Variants in ADAM12 observed in about 807,000 individuals in gnomAD.
The protein encoded by ADAM12 is ADAM metallopeptidase domain 12.
A neutral mutation model predicts 106.4 loss-of-function variants in ADAM12; 70 were observed. The observed-to-expected ratio is 0.66, with a 90% CI of 0.54 to 0.80. The LOEUF (loss-of-function observed/expected upper bound fraction) is 0.80, where lower values mean the gene tolerates loss of function less well. Ranked by LOEUF, ADAM12 falls within the 30% of genes least tolerant of loss-of-function variation. The pLI, the probability that ADAM12 is intolerant of heterozygous loss-of-function variation, is 0.00. For synonymous variants in ADAM12, 420 were observed against 433.5 expected (o/e 0.97, Z 0.39); for missense variants, 1,010 against 1,171.9 (o/e 0.86, Z 2.02).
intron 4 of ADAM12, among the ~76,000 whole-genome samples, chr10:126,151,236 A>G (rs917778060): frequency 6.6e-6 from 1 of 152,204 alleles, no homozygotes; most frequent in African/African-American, 2.4e-5. Flanking sequence ...TTTATTAAAA[A>G]TCTATTATAT....
chr10:126,171,829 G>T (rs1194885344), intron 3 of ADAM12, among the ~76,000 whole-genome samples: 1 of 152,182 alleles, frequency 6.6e-6, no homozygotes. Context: ...GAATTCAGAT[G>T]GGATTTATGG....
intron 3 of ADAM12, among the ~76,000 whole-genome samples, chr10:126,277,909 C>T (rs1031369064): frequency 6.6e-5 from 10 of 152,176 alleles, no homozygotes; most frequent in Non-Finnish European, 1.5e-4. Flanking sequence ...GATTGACTGT[C>T]TTTCGTCTGT....
Position 126,066,853 on chromosome 10 carries a change from C to A in ADAM12, c.1324-47G>T. 1 of 1,558,942 alleles carries A rather than the reference C, an allele frequency of 6.4e-7. No individual in the cohort carries two copies. The highest frequency in any genetic ancestry group is 2.3e-5 in the East Asian group (1 of 44,436). On this transcript the variant is annotated intron_variant, in intron 12 of 22. Transcript: ENST00000448723. The surrounding 1 kb of genome is among the most constrained non-coding windows in gnomAD (Gnocchi z 5.1). The stretch of plus-strand genomic sequence containing the variant: ...GTTTGACAGGGTCTTATGGAGTATG[C>A]ACTCACTGAATGCAAACATCACACC...
intron 1 of ADAM12, among the ~76,000 whole-genome samples, chr10:126,348,553 A>T (rs1244950958): frequency 6.6e-6 from 1 of 152,162 alleles, no homozygotes; most frequent in East Asian, 1.9e-4. Flanking sequence ...GAGGAGAAAA[A>T]AGTATTCAAC....
chr10:126,079,824 G>A (rs1393737391), intron 11 of ADAM12, among the ~76,000 whole-genome samples: 1 of 152,146 alleles, frequency 6.6e-6, no homozygotes, highest in Admixed American at 6.5e-5. Context: ...TGAAAGATGT[G>A]CCAATGGACA....
intron 11 of ADAM12, among the ~76,000 whole-genome samples, chr10:126,072,162 AG>A (rs933483245): frequency 1.3e-5 from 2 of 152,162 alleles, no homozygotes; most frequent in African/African-American, 4.8e-5. Context: ...AGGTCTATAA[AG>A]GCCAAGTCCC....
chr10:126,185,770 A>G (rs1018569761), intron 3 of ADAM12, among the ~76,000 whole-genome samples: 2 of 152,072 alleles, frequency 1.3e-5, no homozygotes, highest in Admixed American at 1.3e-4. Flanking sequence ...GGGCAGCCCA[A>G]TGCAAGCAAT....
intron 5 of ADAM12, among the ~76,000 whole-genome samples, chr10:126,131,979 GTTT>G (rs200265672): frequency 4.9e-5 from 7 of 141,908 alleles, no homozygotes; most frequent in Non-Finnish European, 3.1e-5. Flanking sequence ...TTGAATTCGT[GTTT>G]TTTTTTTTTT....
At position 126,049,779 on chromosome 10, in the gene ADAM12, C is replaced by T. The variant is rs1954428774; in HGVS notation, c.1610-110G>A. The T allele has an allele frequency of 1.0e-6, 1 of 963,686 alleles. No homozygotes were observed. The highest frequency in any genetic ancestry group is 1.6e-5 in the South Asian group (1 of 62,456). 59.7% of individuals were successfully genotyped at this position (963,686 alleles called of 1,614,324 possible). Reference sequence around the variant, plus strand: ...GGAGACGTGCTCAAAGCAATCACACCCAGTGTCTGTCCCGACTCATGGTGG... The same window carrying T: ...GGAGACGTGCTCAAAGCAATCACACTCAGTGTCTGTCCCGACTCATGGTGG... On this transcript the variant is annotated intron_variant, in intron 14 of 22. Transcript: ENST00000448723. This position sits in a 1 kb window ranked among gnomAD's most constrained non-coding sequence, Gnocchi z 4.4.
chr10:126,179,361 G>C (rs1172870231), intron 3 of ADAM12, among the ~76,000 whole-genome samples: 1 of 152,214 alleles, frequency 6.6e-6, no homozygotes, highest in East Asian at 1.9e-4. Context: ...ACAATCAATC[G>C]GCACCACTTT....
In ADAM12 at chr10:126,032,761, C is replaced by T. The variant is rs901949910; in HGVS notation, c.2529+3385G>A. 7.9e-5 allele frequency among the ~76,000 whole-genome samples: 12 copies of T among 152,194 alleles called. No homozygotes were observed. The South Asian group carries it at 8.3e-4, about 11-fold the overall frequency. ...AGCTTTTGTCAGATTCTCAAGTCCA[C>T]GGACCAGAAAAGTTTAGGGCATGCT... On this transcript the variant is annotated intron_variant, in intron 21 of 22. Coordinates refer to ENST00000448723, the MANE Select transcript of ADAM12 (RefSeq NM_001288973.2).
intron 14 of ADAM12, among the ~76,000 whole-genome samples, chr10:126,051,064 A>G (rs1710281): frequency 0.41 from 62,626 of 151,828 alleles, 13,190 homozygotes; most frequent in East Asian, 0.51. Flanking sequence ...AGCTCCTATT[A>G]GGGACCTGAT....
chr10:126,173,608 C>T (rs1439100442), intron 3 of ADAM12, among the ~76,000 whole-genome samples: 1 of 152,168 alleles, frequency 6.6e-6, no homozygotes, highest in African/African-American at 2.4e-5. Context: ...TATACTATTT[C>T]CTCTTCTTTT....
At chr10:126,280,227 A>G (rs1005733260) in intron 2 of ADAM12, among the ~76,000 whole-genome samples, 50 of 151,360 alleles carry the variant, frequency 3.3e-4, no homozygotes, top group Non-Finnish European at 5.5e-4. Flanking sequence ...GAGTTTTGGG[A>G]AAAAAAAATG....
chr10:126,179,942 C>T (rs1957283903), intron 3 of ADAM12, among the ~76,000 whole-genome samples: 1 of 152,108 alleles, frequency 6.6e-6, no homozygotes, highest in Non-Finnish European at 1.5e-5. Context: ...TTCTTGTTTG[C>T]CTTCAAAGAA....
chr10:126,354,904 G>T (rs1590818166), intron 1 of ADAM12, among the ~76,000 whole-genome samples: 1 of 151,978 alleles, frequency 6.6e-6, no homozygotes, highest in East Asian at 1.9e-4. Context: ...TAGGGAGATG[G>T]GAGCTTTTCA....
chr10:126,180,952 C>T (rs1442219264), intron 3 of ADAM12, among the ~76,000 whole-genome samples: 1 of 152,144 alleles, frequency 6.6e-6, no homozygotes, highest in Non-Finnish European at 1.5e-5. Flanking sequence ...TCAGATATTG[C>T]TTTTAGCCTG....
chr10:126,033,024 T>C (rs952725077), intron 21 of ADAM12, among the ~76,000 whole-genome samples: 4 of 152,136 alleles, frequency 2.6e-5, no homozygotes, highest in African/African-American at 9.7e-5. Flanking sequence ...AAAAGAAACT[T>C]ATAAACCAAG....
At chr10:126,375,386 G>A (rs1167659298) in intron 1 of ADAM12, among the ~76,000 whole-genome samples, 1 of 152,016 alleles carries the variant, frequency 6.6e-6, no homozygotes, top group East Asian at 1.9e-4. Flanking sequence ...TTTTTGATGA[G>A]AGATGGGTTT....
Sources: allele counts gnomAD v4.1 joint callset (sites outside exome capture counted in the v4.1 genomes callset), GRCh38; gene constraint gnomAD v4.1.1; non-coding constraint Gnocchi (gnomAD v3.1); transcripts MANE v1.5; gene names NCBI Gene and HGNC (gene_info 2026-07-23, HGNC 2026-07-21).